NBEA: variants seen among roughly 807,000 people sequenced by gnomAD.
The protein encoded by NBEA is neurobeachin.
In NBEA, 44 loss-of-function variants were observed where a neutral mutation model predicts 343.4. That is an observed-to-expected ratio of 0.13 (90% confidence interval 0.10 to 0.16). NBEA has a LOEUF of 0.16. Among genes scored for constraint, NBEA ranks in the 10% least tolerant of loss-of-function variants. The pLI, the probability that NBEA is intolerant of heterozygous loss-of-function variation, is 1.00. For synonymous variants in NBEA, 1,175 were observed against 1,238.7 expected (o/e 0.95, Z 1.08); for missense variants, 2,555 against 3,631.3 (o/e 0.70, Z 7.62).
At chr13:35,366,695 A>C (rs2041137686) in intron 38 of NBEA, among the ~76,000 whole-genome samples, 1 of 136,726 alleles carries the variant, frequency 7.3e-6, no homozygotes, top group African/African-American at 3.2e-5. Context: ...GCAGCTACTC[A>C]GGTATTCAGG....
intron 41 of NBEA, among the ~76,000 whole-genome samples, chr13:35,529,341 G>A (rs2078141090): frequency 8.5e-5 from 13 of 152,104 alleles, no homozygotes; most frequent in Admixed American, 8.5e-4. Flanking sequence ...GTGTGAGTGG[G>A]AGTCTATTTT....
At chr13:35,337,937 C>A (rs1335191625) in intron 36 of NBEA, among the ~76,000 whole-genome samples, 2 of 151,608 alleles carry the variant, frequency 1.3e-5, no homozygotes, top group African/African-American at 2.4e-5. Context: ...GAAAAAAAAT[C>A]AAAACTGATG....
At chr13:35,493,857 C>G (rs2076582287) in intron 41 of NBEA, among the ~76,000 whole-genome samples, 1 of 151,832 alleles carries the variant, frequency 6.6e-6, no homozygotes, top group Non-Finnish European at 1.5e-5. Flanking sequence ...TCATGTGCAA[C>G]ATATACCTTC....
chr13:35,040,839 A>G, intron 1 of NBEA, 94 bp from the exon 2 acceptor site: 1 of 1,031,668 alleles, frequency 9.7e-7, no homozygotes. Context: ...GAAATTTTTT[A>G]GAGTAGTAGC....
At chr13:35,342,317 AGT>A (rs904230011) in intron 36 of NBEA, among the ~76,000 whole-genome samples, 1 of 152,116 alleles carries the variant, frequency 6.6e-6, no homozygotes, top group South Asian at 2.1e-4. Flanking sequence ...AAACCACTAC[AGT>A]GTACATTTTT....
intron 45 of NBEA, among the ~76,000 whole-genome samples, chr13:35,581,719 T>A (rs1428395907): frequency 1.8e-5 from 2 of 110,886 alleles, no homozygotes; most frequent in African/African-American, 3.6e-5. Flanking sequence ...AACATCACAC[T>A]CTGGGGACTG....
At chr13:35,456,722 G>A (rs1167867042) in intron 40 of NBEA, among the ~76,000 whole-genome samples, 3 of 151,808 alleles carry the variant, frequency 2.0e-5, no homozygotes, top group African/African-American at 4.8e-5. Flanking sequence ...CCAATGAAAC[G>A]TATTTCATTT....
intron 47 of NBEA, among the ~76,000 whole-genome samples, chr13:35,604,660 G>C (rs749130060): frequency 6.6e-6 from 1 of 152,014 alleles, no homozygotes; most frequent in Non-Finnish European, 1.5e-5. Context: ...AATCCAAACA[G>C]CGTATCCTTC....
At chr13:35,145,973 G>A (rs117431121) in intron 18 of NBEA, among the ~76,000 whole-genome samples, 1 of 152,290 alleles carries the variant, frequency 6.6e-6, no homozygotes, top group Non-Finnish European at 1.5e-5. Flanking sequence ...TGTTTGAGGA[G>A]ATATTGATGC....
intron 8 of NBEA, among the ~76,000 whole-genome samples, chr13:35,068,789 T>C (rs2063753085): frequency 6.6e-6 from 1 of 152,182 alleles, no homozygotes; most frequent in South Asian, 2.1e-4. Context: ...TGATTTTAGA[T>C]AAAAATTCAG....
intron 41 of NBEA, chr13:35,475,344 C>A (rs372888288): frequency 1.2e-6 from 2 of 1,613,818 alleles, no homozygotes; most frequent in East Asian, 2.2e-5. Context: ...AGGGCTGGCC[C>A]GGCAGTTCAA....
intron 38 of NBEA, among the ~76,000 whole-genome samples, chr13:35,377,882 C>T (rs1329060797): frequency 2.6e-5 from 4 of 152,148 alleles, no homozygotes; most frequent in East Asian, 1.9e-4. Flanking sequence ...TAAGCTTACT[C>T]CCTGCCTGAA....
At chr13:35,197,622 A>G (rs539263300) in intron 31 of NBEA, among the ~76,000 whole-genome samples, 2 of 151,968 alleles carry the variant, frequency 1.3e-5, no homozygotes, top group African/African-American at 4.8e-5. Context: ...GGTTCAAGCA[A>G]TTCTCTCCTC....
At chr13:35,118,089 A>G in intron 14 of NBEA, 139 bp from the exon 15 acceptor site, 1 of 505,520 alleles carries the variant, frequency 2.0e-6, no homozygotes, top group Non-Finnish European at 3.3e-6. Flanking sequence ...ATAAATTGTG[A>G]AATGTGTGGG....
intron 1 of NBEA, among the ~76,000 whole-genome samples, chr13:35,023,310 A>G (rs2061909565): frequency 6.6e-6 from 1 of 152,122 alleles, no homozygotes; most frequent in Admixed American, 6.6e-5. Flanking sequence ...AGTGTAACTG[A>G]TGGGAGAAGT....
At chr13:35,085,555 ATAAATTAGG>A (rs1349865807) in intron 10 of NBEA, among the ~76,000 whole-genome samples, 3 of 152,166 alleles carry the variant, frequency 2.0e-5, no homozygotes, top group Non-Finnish European at 4.4e-5. Context: ...AAAACTCTTA[ATAAATTAGG>A]TAATGATGGG....
At chr13:35,641,111 A>C (rs2153073328) in intron 49 of NBEA, among the ~76,000 whole-genome samples, 1 of 152,290 alleles carries the variant, frequency 6.6e-6, no homozygotes, top group South Asian at 2.1e-4. Context: ...TTTATGAGAC[A>C]ATTGAGTTTT....
rs1301735708 is a variant in NBEA at position 35,123,583 on chromosome 13, A to G, written c.2336+9A>G. 24 of 1,442,140 alleles carry G rather than the reference A, an allele frequency of 1.7e-5. No individual in the cohort carries two copies. The highest frequency in any genetic ancestry group is 2.1e-5 in the Non-Finnish European group (23 of 1,072,552). The allele number at this position is 1,442,140 out of a possible 1,614,324, so 89.3% of individuals were successfully genotyped here. On this transcript the variant is annotated intron_variant, in intron 17 of 58. Coordinates refer to ENST00000379939, the MANE Select transcript of NBEA (RefSeq NM_001385012.1). ...AAGCATTTAGGTCACAAGTAAGTTG[A>G]TATTTGTCATAATGCATTCTAGAAA...
intron 34 of NBEA, among the ~76,000 whole-genome samples, chr13:35,255,333 C>T (rs2032464270): frequency 6.6e-6 from 1 of 152,218 alleles, no homozygotes; most frequent in African/African-American, 2.4e-5. Flanking sequence ...GCTAGTGGCA[C>T]TTTTCCCTGA....
Sources: gnomAD v4.1 joint callset for allele counts (sites outside exome capture counted in the v4.1 genomes callset) on GRCh38, gnomAD v4.1.1 for gene constraint, MANE v1.5 for transcripts, NCBI Gene and HGNC (gene_info 2026-07-23, HGNC 2026-07-21) for gene names.